DSG2: variants seen among roughly 807,000 people sequenced by gnomAD.
DSG2 encodes desmoglein-2.
In DSG2, 45 loss-of-function variants were observed where a neutral mutation model predicts 75.6. The ratio of observed to expected loss-of-function variants is 0.60; its 90% confidence interval spans 0.47 to 0.76. The LOEUF (loss-of-function observed/expected upper bound fraction) is 0.76, where lower values mean the gene tolerates loss of function less well. Ranked by LOEUF, DSG2 falls within the 30% of genes least tolerant of loss-of-function variation. DSG2 has a pLI of 0.00. For synonymous variants in DSG2, 429 were observed against 483.9 expected (o/e 0.89, Z 1.49); for missense variants, 1,267 against 1,357.4 (o/e 0.93, Z 1.05).
chr18:31,535,435 T>C, intron 10 of DSG2, 23 bp downstream of exon 10: 1 of 1,554,220 alleles, frequency 6.4e-7, no homozygotes, highest in Non-Finnish European at 8.9e-7. Flanking sequence ...ATAGATCTTT[T>C]TCTTGATTAT....
intron 8 of DSG2, among the ~76,000 whole-genome samples, chr18:31,527,435 A>G (rs973341757): frequency 2.0e-5 from 3 of 152,246 alleles, no homozygotes; most frequent in African/African-American, 7.2e-5. Flanking sequence ...AAAAAGGGAT[A>G]TAGTTATTTC....
chr18:31,518,202 G>C, intron 1 of DSG2, 37 bp from the exon 2 acceptor site: 10 of 1,546,564 alleles, frequency 6.5e-6, no homozygotes, highest in Non-Finnish European at 8.0e-6. Flanking sequence ...GAATTGAGCA[G>C]TAAATTGGCT....
chr18:31,521,252 C>A lies in DSG2; in HGVS notation c.523+9C>A. ...AGAGTTGAGTGCAGCACGTAAGAGT[C>A]TTTTTTTTTTTTTTTAATAAATAAA... On this transcript the variant is annotated intron_variant, in intron 5 of 14. Coordinates refer to ENST00000261590, the MANE Select transcript of DSG2 (RefSeq NM_001943.5). 7.2e-7 allele frequency: 1 copy of A among 1,389,470 alleles called. No homozygotes were observed. Among genetic ancestry groups the A allele is most frequent in the Non-Finnish European group, 9.8e-7 (1 of 1,021,912 alleles). The allele number at this position is 1,389,470 out of a possible 1,614,324, so 86.1% of individuals were successfully genotyped here. A position where few individuals can be genotyped will look rare whatever the true frequency, so the allele number is the denominator to read the frequency against.
At position 31,542,523 on chromosome 18, in the gene DSG2, G is replaced by A. The variant is rs2073274600; in HGVS notation, c.2005G>A (p.Val669Met). 6.2e-7 allele frequency: 1 copy of A among 1,613,704 alleles called. No homozygotes were observed. Among genetic ancestry groups the A allele is most frequent in the Admixed American group, 1.7e-5 (1 of 60,002 alleles). The part of the protein sequence containing the change: ...NEGAPPEDKV[V>M]PSFLPVDQGG... ...TCAGCTGTGTTTGCTCTCACAGGTG[G>A]TGCCATCATTTCTGCCAGTGGATCA... is the stretch of plus-strand genomic sequence containing the variant. Residue 669 changes from valine (V) to methionine (M), a missense_variant, in exon 14 of 15, where the codon GTG becomes ATG. Coordinates refer to ENST00000261590, the MANE Select transcript of DSG2 (RefSeq NM_001943.5).
At chr18:31,541,046 T>G in intron 12 of DSG2, 147 bp from the exon 13 acceptor site, 1 of 1,000,828 alleles carries the variant, frequency 1.0e-6, no homozygotes, top group African/African-American at 1.6e-5. Flanking sequence ...TTGGTAAGGT[T>G]GGATCAGGGT....
intron 12 of DSG2, 109 bp from the exon 13 acceptor site, chr18:31,541,084 A>C: frequency 7.2e-7 from 1 of 1,386,398 alleles, no homozygotes; most frequent in Non-Finnish European, 1.0e-6. Flanking sequence ...AGCTGTAAAT[A>C]AGTGAAGACA....
intron 6 of DSG2, among the ~76,000 whole-genome samples, chr18:31,523,848 G>T (rs550294457): frequency 6.6e-6 from 1 of 152,202 alleles, no homozygotes; most frequent in East Asian, 1.9e-4. Flanking sequence ...CCAGGGTCCT[G>T]GTGTCCTGCT....
At chr18:31,501,264 G>A (rs1008127303) in intron 1 of DSG2, among the ~76,000 whole-genome samples, 3 of 152,304 alleles carry the variant, frequency 2.0e-5, no homozygotes, top group East Asian at 1.9e-4. Context: ...AGGAGGGCTC[G>A]TGGGTGAGAG....
chr18:31,538,951 A>G lies in DSG2; in HGVS notation c.1852A>G (p.Met618Val), dbSNP rs1424820093. Residue 618 changes from methionine (M) to valine (V), a missense_variant, in exon 12 of 15, where the codon ATG becomes GTG. Coordinates refer to ENST00000261590, the MANE Select transcript of DSG2 (RefSeq NM_001943.5). ...VGLGPAAIALMILAFLLLLLV... is the reference protein window; with the variant it reads ...VGLGPAAIALVILAFLLLLLV... ...CCTGGGACCCGCAGCAATTGCGCTC[A>G]TGATTTTGGCCTTTCTGCTCCTGCT... 6.2e-7 allele frequency: 1 copy of G among 1,613,998 alleles called. No homozygotes were observed. The highest frequency in any genetic ancestry group is 8.5e-7 in the Non-Finnish European group (1 of 1,180,042).
At chr18:31,544,192 A>G (rs1017852248) in intron 14 of DSG2, among the ~76,000 whole-genome samples, 6 of 152,182 alleles carry the variant, frequency 3.9e-5, no homozygotes, top group Non-Finnish European at 8.8e-5. Flanking sequence ...CTGACAGAAC[A>G]CTCTATGCAA....
rs2073322983 is a variant in DSG2 at position 31,547,565 on chromosome 18, T to C, written c.*822T>C. On this transcript the variant is annotated 3_prime_UTR_variant, in exon 15 of 15. Transcript: ENST00000261590. Reference sequence around the variant, plus strand: ...GATGGTGGGCGCCTGTAATCCCAGCTACTTGGGAGGCTGAGGCAGGAGAAT... The same window carrying C: ...GATGGTGGGCGCCTGTAATCCCAGCCACTTGGGAGGCTGAGGCAGGAGAAT... The C allele has an allele frequency of 6.6e-6, 1 of 151,380 alleles. No individual in the cohort carries two copies. The highest frequency in any genetic ancestry group is 1.5e-5 in the Non-Finnish European group (1 of 67,976). The allele number at this position is 151,380 out of a possible 1,614,324, so 9.4% of individuals were successfully genotyped here.
At chr18:31,523,088 C>T (rs534224118) in intron 6 of DSG2, among the ~76,000 whole-genome samples, 1 of 152,266 alleles carries the variant, frequency 6.6e-6, no homozygotes, top group Admixed American at 6.5e-5. Context: ...CATCCAAGTG[C>T]ACTACGTTCA....
intron 1 of DSG2, among the ~76,000 whole-genome samples, chr18:31,509,180 AT>A (rs1189886080): frequency 6.6e-6 from 1 of 152,240 alleles, no homozygotes; most frequent in Non-Finnish European, 1.5e-5. Context: ...GTAGCAAAGC[AT>A]TGCTAAATGC....
At chr18:31,527,078 C>CA (rs1224046827) in intron 8 of DSG2, among the ~76,000 whole-genome samples, 3 of 152,132 alleles carry the variant, frequency 2.0e-5, no homozygotes. Context: ...TTCAGTCTTG[C>CA]AAGCACCACT....
rs575177870 is a variant in DSG2, at chr18:31,548,621, A to G, written c.*1878A>G. On this transcript the variant is annotated 3_prime_UTR_variant, in exon 15 of 15. Coordinates refer to ENST00000261590, the MANE Select transcript of DSG2 (RefSeq NM_001943.5). ...AGTATGCAACAGGTATATCACTAGTATATGAAAATGTAAATATCACTTGTG... is the reference window on the plus strand; with the variant it reads ...AGTATGCAACAGGTATATCACTAGTGTATGAAAATGTAAATATCACTTGTG... The G allele has an allele frequency of 3.3e-4, 51 of 152,344 alleles. No individual in the cohort carries two copies. The highest frequency in any genetic ancestry group is 2.7e-3 in the South Asian group (13 of 4,828). 9.4% of individuals were successfully genotyped at this position (152,344 alleles called of 1,614,324 possible).
intron 4 of DSG2, 64 bp downstream of exon 4, chr18:31,521,028 T>A (rs777517858): frequency 1.1e-5 from 18 of 1,609,118 alleles, no homozygotes; most frequent in Non-Finnish European, 1.5e-5. Flanking sequence ...TGTCATTTGT[T>A]TTATTTTTTC....
At position 31,508,040 on chromosome 18, in the gene DSG2, T is replaced by C. The variant is rs185955647; in HGVS notation, c.45+9744T>C. On this transcript the variant is annotated intron_variant, in intron 1 of 14. Coordinates refer to ENST00000261590, the MANE Select transcript of DSG2 (RefSeq NM_001943.5). ...GAATGGTATTGCCTAGGTTTTCTTC[T>C]AGGATTTTTATGGTTTTAGGTCTTA... Among the ~76,000 whole-genome samples the C allele has an allele frequency of 2.7e-3, 407 of 152,344 alleles. 1 individual carries two copies. The highest frequency in any genetic ancestry group is 9.4e-3 in the African/African-American group (392 of 41,570).
At position 31,545,734 on chromosome 18, in the gene DSG2, A is replaced by G. The variant is rs1223603611; in HGVS notation, c.2348A>G (p.Tyr783Cys). The G allele has an allele frequency of 6.2e-7, 1 of 1,613,934 alleles. No individual in the cohort carries two copies. Among genetic ancestry groups the G allele is most frequent in the Admixed American group, 1.7e-5 (1 of 60,018 alleles). ...RNYFTDKAAS[Y>C]TEEDENHTAK... ...TTTTCATTTTAGAAAGCGGCCTCTT[A>G]CACTGAGGAAGATGAAAATCACACA... The change falls in exon 15 of 15, where the codon TAC becomes TGC. Residue 783 changes from tyrosine (Y) to cysteine (C), a missense_variant. Physicochemically the swap from Tyr to Cys is radical, Grantham distance 194 (BLOSUM62 -2). Coordinates refer to ENST00000261590, the MANE Select transcript of DSG2 (RefSeq NM_001943.5).
At position 31,541,231 on chromosome 18, in the gene DSG2, GGCGCCAAAGGCTTT is replaced by G. The variant is rs754133577; in HGVS notation, c.1919_1932del (p.Gly640AspfsTer15). ...ACTGCTGATGTGCCATTGCGGAAAG[GGCGCCAAAGGCTTT>G]ACCCCCATACCTGGCACCATAGAGA... On this transcript the variant is annotated frameshift_variant, in exon 13 of 15. Coordinates refer to ENST00000261590, the MANE Select transcript of DSG2 (RefSeq NM_001943.5). LOFTEE classifies it high-confidence loss of function. 15 of 1,614,178 alleles carry G rather than the reference GGCGCCAAAGGCTTT, an allele frequency of 9.3e-6. No homozygotes were observed. Among genetic ancestry groups the G allele is most frequent in the Non-Finnish European group, 1.3e-5 (15 of 1,180,012 alleles).
Sources: gnomAD v4.1 joint callset for allele counts (sites outside exome capture counted in the v4.1 genomes callset) on GRCh38, gnomAD v4.1.1 for gene constraint, MANE v1.5 for transcripts, NCBI Gene and HGNC (gene_info 2026-07-23, HGNC 2026-07-21) for gene names.